The following CNGB3 variants were observed in gnomAD, a reference collection of about 807,000 sequenced individuals.
CNGB3 encodes cyclic nucleotide-gated channel beta-3.
Under a neutral mutation model 92.8 loss-of-function variants are expected in CNGB3, and 86 were observed. The ratio of observed to expected loss-of-function variants is 0.93; its 90% CI spans 0.78 to 1.11. The LOEUF (loss-of-function observed/expected upper bound fraction) is 1.11. Among genes scored for constraint, CNGB3 ranks in the 50% least tolerant of loss-of-function variants. The probability of loss-of-function intolerance (pLI) is 0.00; values close to 1 mark genes in which losing one functional copy is unlikely to be tolerated. For synonymous variants in CNGB3, 333 were observed against 332.7 expected, an observed-to-expected ratio of 1.00 and a Z score of -0.01; for missense variants, 1,026 against 956.8, an observed-to-expected ratio of 1.07 and a Z score of -0.95.
intron 15 of CNGB3, chr8:86,594,282 T>C (rs1362877007): frequency 1.1e-5 from 3 of 267,658 alleles, no homozygotes; most frequent in African/African-American, 6.8e-5. Flanking sequence ...CCCTCCGCCA[T>C]CTGGAAGGCT....
At chr8:86,731,068 A>T (rs1049475699) in intron 2 of CNGB3, among the ~76,000 whole-genome samples, 4 of 152,248 alleles carry the variant, frequency 2.6e-5, no homozygotes, top group East Asian at 1.9e-4. Context: ...CCTAATAGTT[A>T]TTTCAAATTC....
At chr8:86,691,550 A>G (rs1393377380) in intron 3 of CNGB3, among the ~76,000 whole-genome samples, 1 of 152,082 alleles carries the variant, frequency 6.6e-6, no homozygotes, top group Non-Finnish European at 1.5e-5. Context: ...TGGCCCTTCT[A>G]TGCCGATTGC....
At chr8:86,707,337 A>T (rs1436098606) in intron 3 of CNGB3, among the ~76,000 whole-genome samples, 1 of 152,232 alleles carries the variant, frequency 6.6e-6, no homozygotes, top group Non-Finnish European at 1.5e-5. Flanking sequence ...GTGATGATAA[A>T]TGCTATGAAG....
At chr8:86,701,813 A>G (rs1356475937) in intron 3 of CNGB3, among the ~76,000 whole-genome samples, 1 of 152,206 alleles carries the variant, frequency 6.6e-6, no homozygotes, top group Non-Finnish European at 1.5e-5. Context: ...TACGAATTTT[A>G]CCATTTAAGA....
rs937844558 is a variant in CNGB3 at position 86,575,553 on chromosome 8, T to C, written c.*251A>G. 1 of 390,550 alleles carries C rather than the reference T, an allele frequency of 2.6e-6. No homozygotes were observed. Among genetic ancestry groups the C allele is most frequent in the African/African-American group, 2.1e-5 (1 of 48,178 alleles). 24.2% of individuals were successfully genotyped at this position (390,550 alleles called of 1,614,324 possible). ...AGAACCAAAGGAAAAGGAAACTTAC[T>C]ACATACAATTAGAAGATATAGCAAT... is the stretch of plus-strand genomic sequence containing the variant. On this transcript the variant is annotated 3_prime_UTR_variant, in exon 18 of 18. Transcript: ENST00000320005.
At chr8:86,676,890 A>T (rs552332977) in intron 3 of CNGB3, among the ~76,000 whole-genome samples, 1 of 152,292 alleles carries the variant, frequency 6.6e-6, no homozygotes, top group Non-Finnish European at 1.5e-5. Context: ...CTATTTTTGC[A>T]TCTGCTCATG....
rs1177738245 is a variant in CNGB3, at chr8:86,726,519, T to A, written c.338+12A>T. 1 of 1,613,574 alleles carries A rather than the reference T, an allele frequency of 6.2e-7. No homozygotes were observed. Among genetic ancestry groups the A allele is most frequent in the African/African-American group, 1.3e-5 (1 of 74,910 alleles). Reference sequence around the variant, plus strand: ...TCTCTAAAATATGTTGTGTGTTTTATTAAATGCTCACCTGTTTGGACCTTC... The same window carrying A: ...TCTCTAAAATATGTTGTGTGTTTTAATAAATGCTCACCTGTTTGGACCTTC... On this transcript the variant is annotated intron_variant, in intron 3 of 17. Transcript: ENST00000320005.
chr8:86,648,582 C>T (rs1186753851), intron 7 of CNGB3, among the ~76,000 whole-genome samples: 1 of 151,028 alleles, frequency 6.6e-6, no homozygotes, highest in African/African-American at 2.4e-5. Flanking sequence ...CTTCTGTTAC[C>T]CTGGTCATTA....
intron 3 of CNGB3, among the ~76,000 whole-genome samples, chr8:86,714,321 G>GACTCCA (rs1824806371): frequency 4.6e-5 from 7 of 152,214 alleles, no homozygotes; most frequent in Admixed American, 3.3e-4. Flanking sequence ...TTGAGATGGA[G>GACTCCA]TCTCACTCTG....
intron 15 of CNGB3, chr8:86,594,668 C>T: frequency 5.4e-6 from 1 of 185,816 alleles, no homozygotes; most frequent in Non-Finnish European, 1.1e-5. Flanking sequence ...GCCCAGCCTC[C>T]CGCTTGCCCC....
intron 3 of CNGB3, among the ~76,000 whole-genome samples, chr8:86,717,306 A>T (rs1259811211): frequency 6.6e-6 from 1 of 152,130 alleles, no homozygotes; most frequent in Non-Finnish European, 1.5e-5. Flanking sequence ...TCAAGCCTGT[A>T]ATCTCAGCAC....
At chr8:86,675,163 T>C (rs770382162) in intron 3 of CNGB3, among the ~76,000 whole-genome samples, 1 of 152,170 alleles carries the variant, frequency 6.6e-6, no homozygotes, top group East Asian at 1.9e-4. Flanking sequence ...GGTTTCATCA[T>C]GTTGGCTAGG....
chr8:86,662,327 AC>A lies in CNGB3; in HGVS notation c.852+4597del, dbSNP rs142535618. Among the ~76,000 whole-genome samples the A allele has an allele frequency of 4.0e-3, 610 of 152,304 alleles. 5 individuals are homozygous for A. Among genetic ancestry groups the A allele is most frequent in the African/African-American group, 0.014 (578 of 41,566 alleles). ...GATTATCATTCATTCACTCCTTCAAACATTTCTTGAGTATACTCTAAGTTCC... is the reference window on the plus strand; with the variant it reads ...GATTATCATTCATTCACTCCTTCAAAATTTCTTGAGTATACTCTAAGTTCC... On this transcript the variant is annotated intron_variant, in intron 6 of 17. Coordinates refer to ENST00000320005, the MANE Select transcript of CNGB3 (RefSeq NM_019098.5).
At chr8:86,708,816 T>C (rs748484773) in intron 3 of CNGB3, among the ~76,000 whole-genome samples, 5 of 152,066 alleles carry the variant, frequency 3.3e-5, no homozygotes, top group Admixed American at 1.3e-4. Flanking sequence ...AGTGATCCTC[T>C]TGCCTTGGCC....
chr8:86,703,533 G>A (rs1454014649), intron 3 of CNGB3, among the ~76,000 whole-genome samples: 2 of 152,076 alleles, frequency 1.3e-5, no homozygotes, highest in African/African-American at 4.8e-5. Flanking sequence ...CTAGTGGACC[G>A]GCACTAGAGG....
At position 86,635,682 on chromosome 8, in the gene CNGB3, A is replaced by G. The variant is rs1823048497; in HGVS notation, c.1179-2789T>C. On this transcript the variant is annotated intron_variant, in intron 10 of 17. Transcript: ENST00000320005. Reference sequence around the variant, plus strand: ...GACCTCTTATGGATTTCCTAAGATTAGCTTAATTAGTCAAGTGTGTCCATC... The same window carrying G: ...GACCTCTTATGGATTTCCTAAGATTGGCTTAATTAGTCAAGTGTGTCCATC... Among the ~76,000 whole-genome samples the G allele has an allele frequency of 2.6e-5, 4 of 151,602 alleles. No homozygotes were observed. The South Asian group carries it at 8.3e-4, about 32-fold the overall frequency.
At chr8:86,739,625 T>G (rs1464085509) in intron 2 of CNGB3, 30 bp downstream of exon 2, 10 of 1,581,416 alleles carry the variant, frequency 6.3e-6, no homozygotes, top group East Asian at 2.3e-5. Flanking sequence ...TTTTAGTTTT[T>G]TTTTTTTTTT....
intron 3 of CNGB3, 85 bp downstream of exon 3, chr8:86,726,446 T>G: frequency 1.3e-6 from 2 of 1,564,742 alleles, no homozygotes; most frequent in Non-Finnish European, 1.8e-6. Context: ...TATATTCAGC[T>G]AAAGGGGAGA....
At chr8:86,695,031 C>T (rs145320667) in intron 3 of CNGB3, among the ~76,000 whole-genome samples, 2,876 of 152,334 alleles carry the variant, frequency 0.019, 89 homozygotes, top group African/African-American at 0.066. Flanking sequence ...GAACGAGACT[C>T]CGTCTGCAAT....
Sources: gnomAD v4.1 joint callset for allele counts (sites outside exome capture counted in the v4.1 genomes callset) on GRCh38, gnomAD v4.1.1 for gene constraint, MANE v1.5 for transcripts, NCBI Gene and HGNC (gene_info 2026-07-23, HGNC 2026-07-21) for gene names.